The following ARB2A variants were observed in gnomAD, a reference collection of about 807,000 sequenced individuals.
ARB2A encodes the protein ARB2 cotranscriptional regulator A.
At chr5:93,772,806 G>A in the ARB2A span, among the ~76,000 whole-genome samples, 5 of 152,200 alleles carry the variant, frequency 3.3e-5, no homozygotes, top group Non-Finnish European at 5.9e-5. Flanking sequence ...CCACAGGGCA[G>A]CTTACAACCT....
At chr5:94,053,741 A>T in the ARB2A span, among the ~76,000 whole-genome samples, 1 of 152,152 alleles carries the variant, frequency 6.6e-6, no homozygotes, top group Non-Finnish European at 1.5e-5. Context: ...CCATGCAACC[A>T]AAAAAACTCT....
the ARB2A span, among the ~76,000 whole-genome samples, chr5:93,825,263 T>G: frequency 6.6e-6 from 1 of 150,934 alleles, no homozygotes; most frequent in African/African-American, 2.4e-5. Context: ...TGTCAGCTAT[T>G]GTTTCTGTTG....
chr5:94,034,122 T>G, the ARB2A span, among the ~76,000 whole-genome samples: 1 of 152,222 alleles, frequency 6.6e-6, no homozygotes, highest in Admixed American at 6.5e-5. Flanking sequence ...GCCTCCAGAA[T>G]TATCAGCCGA....
At chr5:93,782,211 T>C in the ARB2A span, among the ~76,000 whole-genome samples, 1 of 152,180 alleles carries the variant, frequency 6.6e-6, no homozygotes, top group East Asian at 1.9e-4. Context: ...CTCTGAGATA[T>C]TATAGTGTTT....
At chr5:93,850,147 T>A in the ARB2A span, among the ~76,000 whole-genome samples, 1 of 152,210 alleles carries the variant, frequency 6.6e-6, no homozygotes, top group African/African-American at 2.4e-5. Flanking sequence ...TTTATATAAG[T>A]AACCACATAC....
chr5:93,880,466 T>C, the ARB2A span, among the ~76,000 whole-genome samples: 6 of 151,768 alleles, frequency 4.0e-5, no homozygotes, highest in South Asian at 2.1e-4. Flanking sequence ...AATGTAAAAA[T>C]AGTTCAAGTT....
At chr5:93,628,271 G>A in the ARB2A span, among the ~76,000 whole-genome samples, 758 of 151,884 alleles carry the variant, frequency 5.0e-3, 5 homozygotes, top group African/African-American at 0.018. Context: ...AGATGGTCTC[G>A]ATCTCTTGAC....
chr5:93,666,835 G>C, the ARB2A span, among the ~76,000 whole-genome samples: 7 of 152,146 alleles, frequency 4.6e-5, no homozygotes, highest in African/African-American at 1.7e-4. Context: ...TCCAGTTTTG[G>C]TGTGGTAGAT....
chr5:93,664,805 A>G, the ARB2A span, among the ~76,000 whole-genome samples: 1 of 152,032 alleles, frequency 6.6e-6, no homozygotes, highest in African/African-American at 2.4e-5. Flanking sequence ...AAGTCATCGT[A>G]TCATTTTGGG....
chr5:93,762,121 T>G, the ARB2A span, among the ~76,000 whole-genome samples: 1 of 152,048 alleles, frequency 6.6e-6, no homozygotes, highest in East Asian at 1.9e-4. Flanking sequence ...GCAGAAAAAC[T>G]GGAAACTCTA....
the ARB2A span, among the ~76,000 whole-genome samples, chr5:93,772,122 A>C: frequency 6.6e-6 from 1 of 152,240 alleles, no homozygotes; most frequent in African/African-American, 2.4e-5. Flanking sequence ...AATACTATGC[A>C]GCCGTAAAAA....
the ARB2A span, among the ~76,000 whole-genome samples, chr5:93,846,534 G>C: frequency 6.6e-6 from 1 of 151,740 alleles, no homozygotes; most frequent in Non-Finnish European, 1.5e-5. Flanking sequence ...ATAAAACAAC[G>C]ACTGGAGAAA....
At chr5:93,774,603 T>G in the ARB2A span, among the ~76,000 whole-genome samples, 2 of 152,336 alleles carry the variant, frequency 1.3e-5, no homozygotes, top group Admixed American at 6.5e-5. Flanking sequence ...TAGTGCCACA[T>G]TTTTCTAGTT....
chr5:93,873,494 G>A, the ARB2A span, among the ~76,000 whole-genome samples: 1 of 152,038 alleles, frequency 6.6e-6, no homozygotes, highest in Non-Finnish European at 1.5e-5. Context: ...AATCTACTGT[G>A]TTTACTAGGT....
chr5:94,033,605 T>C, the ARB2A span, among the ~76,000 whole-genome samples: 1 of 152,044 alleles, frequency 6.6e-6, no homozygotes, highest in Non-Finnish European at 1.5e-5. Context: ...TTGTATTTTT[T>C]GCAGAGACGG....
the ARB2A span, among the ~76,000 whole-genome samples, chr5:93,774,267 A>G: frequency 6.6e-6 from 1 of 152,194 alleles, no homozygotes; most frequent in Non-Finnish European, 1.5e-5. Flanking sequence ...GAGGCCAATG[A>G]CTAACTCTCC....
At chr5:93,647,568 G>T in the ARB2A span, among the ~76,000 whole-genome samples, 1 of 151,940 alleles carries the variant, frequency 6.6e-6, no homozygotes. Context: ...ATGAAGTCTC[G>T]CTCTGTCACC....
the ARB2A span, among the ~76,000 whole-genome samples, chr5:93,690,206 C>T: frequency 1.3e-5 from 2 of 152,134 alleles, no homozygotes; most frequent in African/African-American, 2.4e-5. Context: ...GAGACAAAAC[C>T]GTTCAATCCC....
the ARB2A span, among the ~76,000 whole-genome samples, chr5:93,783,242 G>A: frequency 6.6e-6 from 1 of 152,020 alleles, no homozygotes; most frequent in Non-Finnish European, 1.5e-5. Context: ...AATGCTAGGA[G>A]CTTTCTATAT....
Sources: allele counts gnomAD v4.1 joint callset (sites outside exome capture counted in the v4.1 genomes callset), GRCh38; gene constraint gnomAD v4.1.1; transcripts MANE v1.5; gene names NCBI Gene and HGNC (gene_info 2026-07-23, HGNC 2026-07-21).